Variants in ATL2 observed in about 807,000 individuals in gnomAD.
ATL2 encodes the protein atlastin GTPase 2, also known as atlastin-2.
ATL2 carries 31 observed loss-of-function variants against 73.9 expected under a neutral mutation model. The ratio of observed to expected loss-of-function variants is 0.42; its 90% CI spans 0.32 to 0.57. The LOEUF (loss-of-function observed/expected upper bound fraction) is 0.57, where lower values mean the gene tolerates loss of function less well. Ranked by LOEUF, ATL2 falls within the 20% of genes least tolerant of loss-of-function variation. The pLI is 0.14. For synonymous variants in ATL2, 291 were observed against 237.5 expected, an observed-to-expected ratio of 1.23 and a Z score of -2.07; for missense variants, 738 against 702.6, an observed-to-expected ratio of 1.05 and a Z score of -0.57.
intron 1 of ATL2, among the ~76,000 whole-genome samples, chr2:38,374,968 C>A (rs1187463939): frequency 6.6e-6 from 1 of 152,238 alleles, no homozygotes; most frequent in Non-Finnish European, 1.5e-5. Context: ...TACTGTAAGG[C>A]AGCTACTTCT....
At chr2:38,322,807 A>C (rs1021719166) in intron 2 of ATL2, among the ~76,000 whole-genome samples, 2 of 152,206 alleles carry the variant, frequency 1.3e-5, no homozygotes, top group East Asian at 3.8e-4. Context: ...TGAGCCCAAA[A>C]GTTCAAGGCT....
intron 2 of ATL2, among the ~76,000 whole-genome samples, chr2:38,331,251 G>A (rs531732002): frequency 3.9e-5 from 6 of 151,948 alleles, no homozygotes; most frequent in African/African-American, 2.4e-5. Flanking sequence ...TGGCCAACTC[G>A]ATGGTAAAAC....
chr2:38,319,483 C>T (rs896532168), intron 2 of ATL2, among the ~76,000 whole-genome samples: 6 of 151,842 alleles, frequency 4.0e-5, no homozygotes, highest in Admixed American at 2.0e-4. Flanking sequence ...CCTGTAGTCC[C>T]GGCTACTCAG....
chr2:38,343,117 C>A, intron 2 of ATL2, 151 bp downstream of exon 2: 1 of 682,024 alleles, frequency 1.5e-6, no homozygotes. Context: ...CACTGCACTC[C>A]ATCCTGGGTA....
intron 12 of ATL2, among the ~76,000 whole-genome samples, chr2:38,297,716 G>A (rs996970415): frequency 1.3e-5 from 2 of 152,158 alleles, no homozygotes; most frequent in Non-Finnish European, 2.9e-5. Flanking sequence ...ATGAAGACCT[G>A]TCTACCATCC....
intron 2 of ATL2, among the ~76,000 whole-genome samples, chr2:38,330,533 G>A (rs1316488946): frequency 6.6e-6 from 1 of 152,102 alleles, no homozygotes; most frequent in African/African-American, 2.4e-5. Context: ...AAAAATTATT[G>A]GAACTAATGA....
chr2:38,376,251 A>C, intron 1 of ATL2: 4 of 1,430,982 alleles, frequency 2.8e-6, no homozygotes, highest in Non-Finnish European at 3.7e-6. Context: ...AACTCCTATA[A>C]ATAGGGGTGT....
chr2:38,369,440 C>G (rs541562473), intron 1 of ATL2, among the ~76,000 whole-genome samples: 11 of 151,812 alleles, frequency 7.2e-5, no homozygotes, highest in African/African-American at 2.7e-4. Context: ...AAGACTCTGT[C>G]TCAAAGAAAA....
chr2:38,335,217 C>T (rs1669283879), intron 2 of ATL2, among the ~76,000 whole-genome samples: 1 of 151,676 alleles, frequency 6.6e-6, no homozygotes, highest in African/African-American at 2.4e-5. Context: ...GGGTATTTCC[C>T]CCTGTGACCC....
chr2:38,295,756 G>T lies in ATL2; in HGVS notation c.*238C>A. 3.1e-6 allele frequency: 1 copy of T among 327,638 alleles called. No individual in the cohort carries two copies. Among genetic ancestry groups the T allele is most frequent in the Non-Finnish European group, 5.6e-6 (1 of 178,798 alleles). 20.3% of individuals were successfully genotyped at this position (327,638 alleles called of 1,614,324 possible). ...AAAAAGAAATAAAAGAGTTAAACAT[G>T]GCACAAAGGTGCATGATTAACCAAT... is the stretch of plus-strand genomic sequence containing the variant. On this transcript the variant is annotated 3_prime_UTR_variant, in exon 13 of 13. Coordinates refer to ENST00000378954, the MANE Select transcript of ATL2 (RefSeq NM_001135673.4).
At chr2:38,340,591 C>T (rs886167914) in intron 2 of ATL2, among the ~76,000 whole-genome samples, 2 of 145,978 alleles carry the variant, frequency 1.4e-5, no homozygotes, top group African/African-American at 5.7e-5. Context: ...CAAGTCAACA[C>T]TGAAAACTTA....
chr2:38,302,743 G>A (rs1667254012), intron 9 of ATL2, among the ~76,000 whole-genome samples: 2 of 151,988 alleles, frequency 1.3e-5, no homozygotes, highest in Non-Finnish European at 2.9e-5. Flanking sequence ...ATCTGCAAGA[G>A]CCACAGCATT....
At position 38,337,486 on chromosome 2, in the gene ATL2, C is replaced by CAAAAAAAAAA. The variant is rs755029194; in HGVS notation, c.363+5772_363+5781dup. Among the ~76,000 whole-genome samples, 216 of 21,670 alleles carry CAAAAAAAAAA rather than the reference C, an allele frequency of 1.0e-2. 37 individuals carry two copies. Among genetic ancestry groups the CAAAAAAAAAA allele is most frequent in the Non-Finnish European group, 0.016 (183 of 11,694 alleles). The allele number at this position is 21,670 out of a possible 152,430, so 14.2% of individuals were successfully genotyped here. A position where few individuals can be genotyped will look rare whatever the true frequency, so the allele number is the denominator to read the frequency against. ...TGGCGACAGAACAAGACTCTGTCTC[C>CAAAAAAAAAA]AAAAAAAAAAAAAAAAAAAAAAAAA... On this transcript the variant is annotated intron_variant, in intron 2 of 12. Coordinates refer to ENST00000378954, the MANE Select transcript of ATL2 (RefSeq NM_001135673.4).
intron 1 of ATL2, among the ~76,000 whole-genome samples, chr2:38,374,080 G>A (rs537592605): frequency 1.3e-5 from 2 of 152,102 alleles, no homozygotes; most frequent in South Asian, 4.1e-4. Context: ...TAGTAGAGAG[G>A]GGGTTTCTCC....
At chr2:38,351,186 G>T (rs1014005827) in intron 1 of ATL2, among the ~76,000 whole-genome samples, 1 of 152,250 alleles carries the variant, frequency 6.6e-6, no homozygotes, top group East Asian at 1.9e-4. Context: ...GCTAAGTAAC[G>T]TGTTAGTGCC....
chr2:38,346,620 G>A (rs1670029607), intron 1 of ATL2, among the ~76,000 whole-genome samples: 1 of 152,168 alleles, frequency 6.6e-6, no homozygotes, highest in African/African-American at 2.4e-5. Flanking sequence ...ATTCTCATAA[G>A]GAGCACACAA....
At chr2:38,371,457 C>T (rs530653434) in intron 1 of ATL2, among the ~76,000 whole-genome samples, 14 of 151,356 alleles carry the variant, frequency 9.2e-5, no homozygotes, top group Middle Eastern at 3.4e-3. Flanking sequence ...GCGGTGATCA[C>T]GCCACTGCAC....
chr2:38,296,251 C>G, intron 12 of ATL2, 138 bp from the exon 13 acceptor site: 1 of 1,430,306 alleles, frequency 7.0e-7, no homozygotes, highest in Non-Finnish European at 9.1e-7. Flanking sequence ...ATGCTTCTCT[C>G]AAAAAAACTT....
At chr2:38,342,701 G>A in intron 2 of ATL2, among the ~76,000 whole-genome samples, 1 of 152,104 alleles carries the variant, frequency 6.6e-6, no homozygotes, top group Non-Finnish European at 1.5e-5. Context: ...GTGTGAAGAA[G>A]TAACAAAAAG....
Sources: gnomAD v4.1 joint callset for allele counts (sites outside exome capture counted in the v4.1 genomes callset) on GRCh38, gnomAD v4.1.1 for gene constraint, MANE v1.5 for transcripts, NCBI Gene and HGNC (gene_info 2026-07-23, HGNC 2026-07-21) for gene names.